COL4A3: variants seen among roughly 807,000 people sequenced by gnomAD.
COL4A3 encodes collagen type IV alpha 3 chain.
Under a neutral mutation model 217.4 loss-of-function variants are expected in COL4A3, and 135 were observed. That is an observed-to-expected ratio of 0.62 (90% CI 0.54 to 0.72). COL4A3 has a LOEUF of 0.72. Among genes scored for constraint, COL4A3 ranks in the 30% least tolerant of loss-of-function variants. The pLI is 0.00. For missense variants in COL4A3, 1,868 were observed against 2,119.9 expected (o/e 0.88, Z 2.33); for synonymous variants, 690 against 736.3 (o/e 0.94, Z 1.02).
chr2:227,198,488 C>A (rs1177632680), intron 1 of COL4A3, among the ~76,000 whole-genome samples: 1 of 147,044 alleles, frequency 6.8e-6, no homozygotes, highest in Admixed American at 7.0e-5. Context: ...GTTATAAATA[C>A]CTTATGTTAT....
At chr2:227,246,448 C>A (rs1045630690) in intron 6 of COL4A3, among the ~76,000 whole-genome samples, 7 of 152,146 alleles carry the variant, frequency 4.6e-5, no homozygotes, top group African/African-American at 1.7e-4. Flanking sequence ...TTAAAAAGTT[C>A]TTGGCGCAAT....
chr2:227,297,178 T>A (rs1411336391), intron 41 of COL4A3, among the ~76,000 whole-genome samples: 3 of 152,220 alleles, frequency 2.0e-5, no homozygotes, highest in Non-Finnish European at 4.4e-5. Context: ...TGGATTTAGC[T>A]GGATAATACT....
intron 37 of COL4A3, 196 bp downstream of exon 37, chr2:227,291,082 G>A: frequency 6.7e-6 from 4 of 597,858 alleles, no homozygotes; most frequent in East Asian, 6.5e-5. Flanking sequence ...ACTTCTGAGA[G>A]CCTCTTTCAG....
In COL4A3 at chr2:227,183,747, T is replaced by G. The variant is rs896337893; in HGVS notation, c.87+18934T>G. ...TCTGGTGGTAGCACATCAATTTCAC[T>G]TGAGAGAACTACTCTCTCCTCCTTG... On this transcript the variant is annotated intron_variant, in intron 1 of 51. Transcript: ENST00000396578. Among the ~76,000 whole-genome samples the G allele has an allele frequency of 5.3e-5, 8 of 152,192 alleles. No homozygotes were observed. The East Asian group carries it at 5.8e-4, about 11-fold the overall frequency.
intron 1 of COL4A3, among the ~76,000 whole-genome samples, chr2:227,202,637 A>G (rs570395877): frequency 4.7e-4 from 71 of 150,890 alleles, no homozygotes; most frequent in African/African-American, 1.7e-3. Flanking sequence ...CGGGAGGCTG[A>G]GGCAGGAGAA....
intron 39 of COL4A3, 77 bp downstream of exon 39, chr2:227,294,647 C>A: frequency 9.2e-7 from 1 of 1,089,316 alleles, no homozygotes; most frequent in Non-Finnish European, 1.4e-6. Flanking sequence ...TTTCTGTAAA[C>A]CTACTACTCT....
intron 34 of COL4A3, among the ~76,000 whole-genome samples, chr2:227,284,959 G>A (rs73081904): frequency 0.059 from 8,914 of 151,924 alleles, 669 homozygotes; most frequent in African/African-American, 0.17. Flanking sequence ...TGATCAATAC[G>A]ACCAATATAA....
At chr2:227,194,931 C>T (rs1290375510) in intron 1 of COL4A3, among the ~76,000 whole-genome samples, 1 of 152,010 alleles carries the variant, frequency 6.6e-6, no homozygotes, top group Non-Finnish European at 1.5e-5. Flanking sequence ...AATTTGAAAA[C>T]ATGAATGAAC....
intron 1 of COL4A3, among the ~76,000 whole-genome samples, chr2:227,197,527 T>C (rs2066528309): frequency 1.3e-5 from 2 of 152,116 alleles, no homozygotes; most frequent in African/African-American, 2.4e-5. Flanking sequence ...CACATAACTG[T>C]ATACTTAAAA....
At chr2:227,197,208 T>A (rs1374625952) in intron 1 of COL4A3, among the ~76,000 whole-genome samples, 3 of 149,000 alleles carry the variant, frequency 2.0e-5, no homozygotes, top group African/African-American at 7.8e-5. Flanking sequence ...TTTTTTGTTT[T>A]GTTTTGTTTT....
chr2:227,279,316 C>T (rs75237541), intron 28 of COL4A3, among the ~76,000 whole-genome samples: 4,016 of 151,942 alleles, frequency 0.026, 141 homozygotes, highest in East Asian at 0.13. Flanking sequence ...TCTCCATCTC[C>T]ATGTTGGTCA....
chr2:227,245,306 T>TA (rs1338131471), intron 5 of COL4A3, among the ~76,000 whole-genome samples: 4 of 91,252 alleles, frequency 4.4e-5, no homozygotes, highest in African/African-American at 9.6e-5. Context: ...TCAAAAATAT[T>TA]TAAAAAAAAA....
rs762809942 is a variant in COL4A3, at chr2:227,256,543, G to C, written c.987+147G>C. 1.0e-5 allele frequency: 8 copies of C among 796,922 alleles called. No individual in the cohort carries two copies. In the African/African-American group the frequency reaches 1.3e-4, roughly 13 times the overall value. 49.4% of individuals were successfully genotyped at this position (796,922 alleles called of 1,614,324 possible). ...CTAGGTCTGTTAAGAAGAAAAGAGA[G>C]ATGTGGCAACTTTACTTAAACATTT... On this transcript the variant is annotated intron_variant, in intron 17 of 51. Transcript: ENST00000396578.
intron 43 of COL4A3, among the ~76,000 whole-genome samples, chr2:227,300,165 A>T (rs751869336): frequency 4.6e-5 from 7 of 152,202 alleles, no homozygotes; most frequent in African/African-American, 7.2e-5. Context: ...AGAAGTAAGA[A>T]GTCAATACCC....
chr2:227,175,907 T>A (rs565207112), intron 1 of COL4A3, among the ~76,000 whole-genome samples: 13 of 152,344 alleles, frequency 8.5e-5, no homozygotes, highest in African/African-American at 2.6e-4. Context: ...GAAACATTCT[T>A]CTTTCATTCC....
intron 31 of COL4A3, 127 bp downstream of exon 31, chr2:227,281,133 T>C (rs2071936686): frequency 1.4e-6 from 1 of 730,000 alleles, no homozygotes; most frequent in Non-Finnish European, 2.5e-6. Flanking sequence ...TGAGAAATAC[T>C]TCAGAAGTGT....
Position 227,253,512 on chromosome 2 carries a change from T to C in COL4A3, c.688-49T>C, listed in dbSNP as rs1235708126. The C allele has an allele frequency of 6.6e-6, 10 of 1,507,376 alleles. No individual in the cohort carries two copies. The highest frequency in any genetic ancestry group is 8.3e-6 in the Non-Finnish European group (9 of 1,082,810). The allele number at this position is 1,507,376 out of a possible 1,614,324, so 93.4% of individuals were successfully genotyped here. On this transcript the variant is annotated intron_variant, in intron 12 of 51. Transcript: ENST00000396578. This position sits in a 1 kb window ranked among gnomAD's most constrained non-coding sequence, Gnocchi z 4.4. ...CCTTTCAAACGTAGTAACATTGAAATGTTGATGCTGTTGTTTATTTTCTCA... is the reference window on the plus strand; with the variant it reads ...CCTTTCAAACGTAGTAACATTGAAACGTTGATGCTGTTGTTTATTTTCTCA...
In COL4A3 at chr2:227,256,388, G is replaced by T; in HGVS notation, c.979G>T (p.Gly327Cys). The T allele has an allele frequency of 6.2e-7, 1 of 1,612,916 alleles. No homozygotes were observed. Among genetic ancestry groups the T allele is most frequent in the Non-Finnish European group, 8.5e-7 (1 of 1,178,982 alleles). ...RGFPGLMGED[G>C]IKGQKGDIGP... ...TTTCCCTGGGTTAATGGGTGAAGAT[G>T]GCATTAAGGTAATCCTCTCCCTAAT... Residue 327 changes from glycine to cysteine, a missense_variant, in exon 17 of 52, where the codon GGC (glycine) becomes TGC (cysteine). Gly to Cys is a radical substitution (Grantham distance 159). Around this residue, in one of 2 missense-constraint regions of COL4A3, gnomAD observed 1,503 missense variants for 1,786.1 expected, o/e 0.84. Transcript: ENST00000396578.
At chr2:227,257,574 T>G (rs1161542364) in intron 17 of COL4A3, 29 bp from the exon 18 acceptor site, 2 of 1,606,836 alleles carry the variant, frequency 1.2e-6, no homozygotes, top group Non-Finnish European at 8.5e-7. Context: ...GTGACCATAT[T>G]CACAATTTGT....
Sources: allele counts gnomAD v4.1 joint callset (sites outside exome capture counted in the v4.1 genomes callset), GRCh38; gene constraint gnomAD v4.1.1; regional missense constraint gnomAD v4.1.1; non-coding constraint Gnocchi (gnomAD v3.1); transcripts MANE v1.5; gene names NCBI Gene and HGNC (gene_info 2026-07-23, HGNC 2026-07-21).